Variants in ZNF843 observed in about 807,000 individuals in gnomAD.
ZNF843 encodes the protein zinc finger protein 843.
For missense variants in ZNF843, 482 were observed against 469.4 expected (o/e 1.03, Z -0.25); for synonymous variants, 185 against 207.7 (o/e 0.89, Z 0.94).
chr16:31,442,198 A>C (rs918079412), intron 1 of ZNF843, among the ~76,000 whole-genome samples: 1 of 152,238 alleles, frequency 6.6e-6, no homozygotes, highest in African/African-American at 2.4e-5. Context: ...TGTGGGGTCC[A>C]CGGAACGCCC....
rs1376734195 is a variant in ZNF843, at chr16:31,436,756, G to A, written c.94C>T (p.Pro32Ser). The change falls in exon 2 of 2, where the codon CCC (proline) becomes TCC (serine). Residue 32 changes from proline to serine, a missense_variant. Coordinates refer to ENST00000315678, the MANE Select transcript of ZNF843 (RefSeq NM_001136509.3). ...CTCCCGCAGGCCTTGCACTTGCAGG[G>A]CTGACGGCCCTGGGTGAATCTGCCG... is the stretch of plus-strand genomic sequence containing the variant. ...STGRFTQGRQPCKCKACGRGF... is the reference protein window; with the variant it reads ...STGRFTQGRQSCKCKACGRGF... 2 of 1,551,670 alleles carry A rather than the reference G, an allele frequency of 1.3e-6. No individual in the cohort carries two copies. The highest frequency in any genetic ancestry group is 1.2e-5 in the South Asian group (1 of 84,066).
In ZNF843 at chr16:31,436,912, C is replaced by T. The variant is rs536438869; in HGVS notation, c.-63G>A. ...GTACGGGAGGCTTTGCCGCACTTGG[C>T]GCAGCTGTGGGGCCTCTGCCGCACT... On this transcript the variant is annotated 5_prime_UTR_variant, in exon 2 of 2. Coordinates refer to ENST00000315678, the MANE Select transcript of ZNF843 (RefSeq NM_001136509.3). 6 of 1,420,160 alleles carry T rather than the reference C, an allele frequency of 4.2e-6. No homozygotes were observed. In the African/African-American group the frequency reaches 7.2e-5, roughly 17 times the overall value. 88.0% of individuals were successfully genotyped at this position (1,420,160 alleles called of 1,614,324 possible).
chr16:31,437,016 C>T lies in ZNF843; in HGVS notation c.-167G>A, dbSNP rs1241010051. On this transcript the variant is annotated 5_prime_UTR_variant, in exon 2 of 2. The change abolishes the stop of an existing upstream ORF in the 5' untranslated region. Transcript: ENST00000315678. The stretch of plus-strand genomic sequence containing the variant: ...CCTCGGGGGCTGTCTGGAGAGTTCT[C>T]TAATGTAAGACGCTGGGCAATGTCA... 1 of 637,412 alleles carries T rather than the reference C, an allele frequency of 1.6e-6. No individual in the cohort carries two copies. Among genetic ancestry groups the T allele is most frequent in the Non-Finnish European group, 2.8e-6 (1 of 362,628 alleles). The allele number at this position is 637,412 out of a possible 1,614,324, so 39.5% of individuals were successfully genotyped here.
In ZNF843 at chr16:31,436,377, G is replaced by T. The variant is rs80346735; in HGVS notation, c.473C>A (p.Thr158Asn). 1.2e-3 allele frequency: 1,782 copies of T among 1,548,660 alleles called. 19 individuals are homozygous for T. The African/African-American group carries it at 0.022, about 19-fold the overall frequency. The stretch of plus-strand genomic sequence containing the variant: ...CGGAAGGACGCGCTGGGAGAGGGAG[G>T]TCTTCTCATTGACACTGTCACCGCA... ...CSCGDSVNEK[T>N]SLSQRVLPHP... The change falls in exon 2 of 2, where the codon ACC becomes AAC. Residue 158 changes from threonine to asparagine, a missense_variant. Thr to Asn is a moderately conservative substitution (Grantham distance 65). Transcript: ENST00000315678.
rs2142881414 is a variant in ZNF843, at chr16:31,435,582, C to T, written c.*221G>A. 2.4e-6 allele frequency: 1 copy of T among 424,236 alleles called. No homozygotes were observed. Among genetic ancestry groups the T allele is most frequent in the East Asian group, 3.6e-5 (1 of 27,466 alleles). 26.3% of individuals were successfully genotyped at this position (424,236 alleles called of 1,614,324 possible). ...TGGGATTACAGGTGTGAGTCACCGC[C>T]CGCAGCCGCACCTGCCTAAATCCCT... On this transcript the variant is annotated 3_prime_UTR_variant, in exon 2 of 2. Coordinates refer to ENST00000315678, the MANE Select transcript of ZNF843 (RefSeq NM_001136509.3).
intron 1 of ZNF843, among the ~76,000 whole-genome samples, chr16:31,439,416 CAT>C (rs1259710429): frequency 6.6e-6 from 1 of 152,212 alleles, no homozygotes; most frequent in African/African-American, 2.4e-5. Flanking sequence ...AAAATAAAAA[CAT>C]ATGTCCACAC....
chr16:31,442,713 G>C lies in ZNF843; in HGVS notation c.-413C>G, dbSNP rs1269270760. On this transcript the variant is annotated 5_prime_UTR_variant, in exon 1 of 2. Coordinates refer to ENST00000315678, the MANE Select transcript of ZNF843 (RefSeq NM_001136509.3). Reference sequence around the variant, plus strand: ...CGAGCCGGGAGCGCCCCTGCCCCGCGAGCCGCCCCCGAGAGACACGGCGGA... The same window carrying C: ...CGAGCCGGGAGCGCCCCTGCCCCGCCAGCCGCCCCCGAGAGACACGGCGGA... The C allele has an allele frequency of 3.3e-5, 5 of 152,172 alleles. No homozygotes were observed. The highest frequency in any genetic ancestry group is 1.2e-4 in the African/African-American group (5 of 41,418). The allele number at this position is 152,172 out of a possible 1,614,324, so 9.4% of individuals were successfully genotyped here.
chr16:31,436,594 C>A lies in ZNF843; in HGVS notation c.256G>T (p.Gly86Trp). 6.4e-7 allele frequency: 1 copy of A among 1,551,454 alleles called. No individual in the cohort carries two copies. Reference protein sequence around the residue: ...QPHQAPASPLGRSHSSAGVRQ... With the variant: ...QPHQAPASPLWRSHSSAGVRQ... ...ACTCCCGCAGACGAATGGCTTCTCC[C>A]GAGTGGACTCGCTGGTGCTTGATGA... The change falls in exon 2 of 2, where the codon GGG becomes TGG. Residue 86 changes from glycine (G) to tryptophan (W), a missense_variant. Coordinates refer to ENST00000315678, the MANE Select transcript of ZNF843 (RefSeq NM_001136509.3).
chr16:31,436,281 G>C lies in ZNF843; in HGVS notation c.569C>G (p.Pro190Arg), dbSNP rs763540306. ...GGGCCGGAGCCCAGAGGTGCTGTCC[G>C]GGGCGACTGAGCTGGGTGCGAGGCT... is the stretch of plus-strand genomic sequence containing the variant. ...SVSLAPSSVA[P>R]DSTSGLRPCG... The change falls in exon 2 of 2, where the codon CCG becomes CGG. Residue 190 changes from proline to arginine, a missense_variant. Coordinates refer to ENST00000315678, the MANE Select transcript of ZNF843 (RefSeq NM_001136509.3). 8 of 1,549,100 alleles carry C rather than the reference G, an allele frequency of 5.2e-6. No individual in the cohort carries two copies. The highest frequency in any genetic ancestry group is 3.6e-5 in the South Asian group (3 of 83,614).
At chr16:31,442,049 G>A (rs1388045106) in intron 1 of ZNF843, among the ~76,000 whole-genome samples, 1 of 152,240 alleles carries the variant, frequency 6.6e-6, no homozygotes, top group Non-Finnish European at 1.5e-5. Context: ...ATTTTAAGGC[G>A]GGCCGGGTGT....
At position 31,435,716 on chromosome 16, in the gene ZNF843, C is replaced by G. The variant is rs557254028; in HGVS notation, c.*87G>C. On this transcript the variant is annotated 3_prime_UTR_variant, in exon 2 of 2. Coordinates refer to ENST00000315678, the MANE Select transcript of ZNF843 (RefSeq NM_001136509.3). The stretch of plus-strand genomic sequence containing the variant: ...TACAGAAAAGCCGTCCTGAGCGGGT[C>G]TGTGTGGAGGGAGGGGACTGCATCT... 1 of 1,313,382 alleles carries G rather than the reference C, an allele frequency of 7.6e-7. No individual in the cohort carries two copies. Among genetic ancestry groups the G allele is most frequent in the South Asian group, 1.7e-5 (1 of 60,066 alleles). 81.4% of individuals were successfully genotyped at this position (1,313,382 alleles called of 1,614,324 possible).
At position 31,435,742 on chromosome 16, in the gene ZNF843, C is replaced by T; in HGVS notation, c.*61G>A. 1 of 1,422,810 alleles carries T rather than the reference C, an allele frequency of 7.0e-7. No individual in the cohort carries two copies. The highest frequency in any genetic ancestry group is 9.2e-7 in the Non-Finnish European group (1 of 1,082,190). 88.1% of individuals were successfully genotyped at this position (1,422,810 alleles called of 1,614,324 possible). A position where few individuals can be genotyped will look rare whatever the true frequency, so the allele number is the denominator to read the frequency against. Reference sequence around the variant, plus strand: ...TGTGTGGAGGGAGGGGACTGCATCTCAGATCCACAGTCCACCGGCGGCTGC... The same window carrying T: ...TGTGTGGAGGGAGGGGACTGCATCTTAGATCCACAGTCCACCGGCGGCTGC... On this transcript the variant is annotated 3_prime_UTR_variant, in exon 2 of 2. Transcript: ENST00000315678.
At position 31,440,184 on chromosome 16, in the gene ZNF843, G is replaced by A. The variant is rs115562374; in HGVS notation, c.-336+2452C>T. 9.4e-3 allele frequency among the ~76,000 whole-genome samples: 1,435 copies of A among 152,144 alleles called. 23 individuals are homozygous for A. The highest frequency in any genetic ancestry group is 0.033 in the African/African-American group (1,366 of 41,498). On this transcript the variant is annotated intron_variant, in intron 1 of 1. Coordinates refer to ENST00000315678, the MANE Select transcript of ZNF843 (RefSeq NM_001136509.3). ...AGTAATTTAGAAAAGCCATATATAC[G>A]GTAAAAAAATTTTTGGCTCCAGGGA...
chr16:31,436,172 TG>T lies in ZNF843; in HGVS notation c.677del (p.Pro226HisfsTer189), dbSNP rs752312746. On this transcript the variant is annotated frameshift_variant, in exon 2 of 2. Transcript: ENST00000315678. LOFTEE classifies it low-confidence loss of function (END_TRUNC). ...PRPPFLYPGP[P>X]LSLQPLVPSG... The stretch of plus-strand genomic sequence containing the variant: ...ATGGAACCAGAGGCTGGAGACTGAG[TG>T]GGGGGCCAGGATAAAGGAAGGGAGG... The T allele has an allele frequency of 1.2e-5, 19 of 1,539,104 alleles. No individual in the cohort carries two copies. The highest frequency in any genetic ancestry group is 1.7e-5 in the Non-Finnish European group (19 of 1,140,296).
At chr16:31,440,077 T>A (rs1170732541) in intron 1 of ZNF843, among the ~76,000 whole-genome samples, 1 of 152,196 alleles carries the variant, frequency 6.6e-6, no homozygotes, top group African/African-American at 2.4e-5. Flanking sequence ...TTCCACATAT[T>A]GGTTAGACCT....
rs775140079 is a variant in ZNF843, at chr16:31,436,472, C to T, written c.378G>A (p.Trp126Ter). The T allele has an allele frequency of 6.4e-7, 1 of 1,551,708 alleles. No homozygotes were observed. The highest frequency in any genetic ancestry group is 8.7e-7 in the Non-Finnish European group (1 of 1,146,986). ...GTGGCCGATCAGCTTCCACCGGTCC[C>T]CAAAAACCTGCTGGTACTGGGGACA... The part of the protein sequence containing the change: ...LRLSPVPAGF[W>*]GPVEADRPPA... Residue 126 changes from tryptophan (W) to a stop codon, truncating the protein, a stop_gained, in exon 2 of 2, where the codon TGG becomes TGA. Coordinates refer to ENST00000315678, the MANE Select transcript of ZNF843 (RefSeq NM_001136509.3). LOFTEE classifies it low-confidence loss of function (END_TRUNC).
intron 1 of ZNF843, among the ~76,000 whole-genome samples, chr16:31,441,077 A>G (rs1413898419): frequency 6.6e-6 from 1 of 152,118 alleles, no homozygotes; most frequent in African/African-American, 2.4e-5. Flanking sequence ...CTTCCAATGG[A>G]TGATCTGACA....
At chr16:31,441,606 T>G (rs2082201249) in intron 1 of ZNF843, among the ~76,000 whole-genome samples, 1 of 151,916 alleles carries the variant, frequency 6.6e-6, no homozygotes, top group Non-Finnish European at 1.5e-5. Context: ...CTCAGCCTCC[T>G]GAGTAGCTGG....
Position 31,436,709 on chromosome 16 carries a change from G to A in ZNF843, c.141C>T (p.Ser47=), listed in dbSNP as rs757895906. Residue 47 remains serine (S), a synonymous_variant, in exon 2 of 2, where the codon TCC becomes TCT. Coordinates refer to ENST00000315678, the MANE Select transcript of ZNF843 (RefSeq NM_001136509.3). ...TGTGGACCCGCCAGTGCTGGAGGAGGGATGCGCTCTGAGTAAAACCCCTCC... is the reference window on the plus strand; with the variant it reads ...TGTGGACCCGCCAGTGCTGGAGGAGAGATGCGCTCTGAGTAAAACCCCTCC... ...ACGRGFTQSA[S]LLQHWRVHSD... is the part of the protein sequence containing the mutation. 5.2e-5 allele frequency: 80 copies of A among 1,551,562 alleles called. No individual in the cohort carries two copies. The highest frequency in any genetic ancestry group is 6.8e-5 in the Non-Finnish European group (78 of 1,147,034).
Sources: allele counts gnomAD v4.1 joint callset (sites outside exome capture counted in the v4.1 genomes callset), GRCh38; gene constraint gnomAD v4.1.1; transcripts MANE v1.5; gene names NCBI Gene and HGNC (gene_info 2026-07-23, HGNC 2026-07-21).